Variants in AZGP1 observed in about 807,000 individuals in gnomAD.
The protein encoded by AZGP1 is alpha-2-glycoprotein 1, zinc-binding.
In AZGP1, 28 loss-of-function variants were observed where a neutral mutation model predicts 31.5. The ratio of observed to expected loss-of-function variants is 0.89; its 90% CI spans 0.66 to 1.22. The LOEUF is 1.22. Ranked by LOEUF, AZGP1 falls within the 50% of genes most tolerant of loss-of-function variation. The pLI is 0.00. For synonymous variants in AZGP1, 135 were observed against 145.4 expected (o/e 0.93, Z 0.51); for missense variants, 361 against 371.8 (o/e 0.97, Z 0.24).
chr7:99,968,024 A>G (rs1789516716), intron 3 of AZGP1, 131 bp downstream of exon 3: 2 of 1,238,768 alleles, frequency 1.6e-6, no homozygotes, highest in Admixed American at 4.5e-5. Context: ...ATAAATCCTA[A>G]AAGATGAAAG....
chr7:99,969,399 A>T (rs1470123294), intron 2 of AZGP1, among the ~76,000 whole-genome samples: 1 of 100,800 alleles, frequency 9.9e-6, no homozygotes, highest in Non-Finnish European at 2.0e-5. Context: ...ACAGAGCAAG[A>T]CTCAGTCTTA....
At position 99,971,975 on chromosome 7, in the gene AZGP1, C is replaced by T. The variant is rs747821548; in HGVS notation, c.108G>A (p.Gly36=). ...GRYSLTYIYT[G]LSKHVEDVPA... ...GGACGTCTTCAACATGCTTGGACAG[C>T]CCAGTGTAGATATAGGTCAGAGAGT... Residue 36 remains glycine, a synonymous_variant, in exon 2 of 4, where the codon GGG becomes GGA. Transcript: ENST00000292401. 7 of 1,613,714 alleles carry T rather than the reference C, an allele frequency of 4.3e-6. No homozygotes were observed. The Admixed American group carries it at 1.2e-4, about 27-fold the overall frequency.
At chr7:99,970,873 A>G (rs146314754) in intron 2 of AZGP1, among the ~76,000 whole-genome samples, 3,095 of 152,238 alleles carry the variant, frequency 0.02, 58 homozygotes, top group Middle Eastern at 0.044. Context: ...AGTTCACCAG[A>G]CCTGAGGTTG....
chr7:99,974,673 G>A (rs938312778), intron 1 of AZGP1, among the ~76,000 whole-genome samples: 1 of 152,054 alleles, frequency 6.6e-6, no homozygotes, highest in African/African-American at 2.4e-5. Context: ...TAACACAAAC[G>A]ATAAAAGCTT....
intron 1 of AZGP1, among the ~76,000 whole-genome samples, chr7:99,973,875 C>T (rs1789617168): frequency 6.7e-6 from 1 of 148,588 alleles, no homozygotes; most frequent in Non-Finnish European, 1.5e-5. Flanking sequence ...AAGATTGCAC[C>T]ACTGCATTCC....
intron 1 of AZGP1, among the ~76,000 whole-genome samples, chr7:99,975,386 T>G (rs986542636): frequency 5.3e-5 from 8 of 152,184 alleles, no homozygotes; most frequent in Non-Finnish European, 1.2e-4. Context: ...AACAGCCTCC[T>G]TCCCTTATCC....
intron 2 of AZGP1, among the ~76,000 whole-genome samples, chr7:99,969,187 T>A (rs137980992): frequency 2.6e-5 from 4 of 151,896 alleles, no homozygotes; most frequent in African/African-American, 4.8e-5. Context: ...GGCCAAAGGA[T>A]CACCTGAGGT....
intron 2 of AZGP1, among the ~76,000 whole-genome samples, chr7:99,969,384 G>A (rs1317500811): frequency 7.1e-6 from 1 of 140,434 alleles, no homozygotes; most frequent in African/African-American, 2.7e-5. Flanking sequence ...ACATCAGCCT[G>A]AAAGACAGAG....
At position 99,966,800 on chromosome 7, in the gene AZGP1, G is replaced by A; in HGVS notation, c.*203C>T. On this transcript the variant is annotated 3_prime_UTR_variant, in exon 4 of 4. Coordinates refer to ENST00000292401, the MANE Select transcript of AZGP1 (RefSeq NM_001185.4). ...ACAATGGGGTGGGGGTGGGCTCAAG[G>A]TGAGATGATTTTTTGGGTCCAAGTC... is the stretch of plus-strand genomic sequence containing the variant. The A allele has an allele frequency of 4.3e-6, 3 of 697,526 alleles. No individual in the cohort carries two copies. In the South Asian group the frequency reaches 5.7e-5, roughly 13 times the overall value. The allele number at this position is 697,526 out of a possible 1,614,324, so 43.2% of individuals were successfully genotyped here.
Position 99,968,232 on chromosome 7 carries a change from T to G in AZGP1, c.536A>C (p.Lys179Thr). The G allele has an allele frequency of 1.2e-6, 2 of 1,613,904 alleles. No homozygotes were observed. Among genetic ancestry groups the G allele is most frequent in the Non-Finnish European group, 1.7e-6 (2 of 1,179,986 alleles). Reference sequence around the variant, plus strand: ...AGGGCACTCCTCCTCCAGGTAAGCCTTGGCCCGCTGCACGTAGACTGGTTC... The same window carrying G: ...AGGGCACTCCTCCTCCAGGTAAGCCGTGGCCCGCTGCACGTAGACTGGTTC... Reference protein sequence around the residue: ...EAEPVYVQRAKAYLEEECPAT... With the variant: ...EAEPVYVQRATAYLEEECPAT... The change falls in exon 3 of 4, where the codon AAG becomes ACG. Residue 179 changes from lysine (K) to threonine (T), a missense_variant. Transcript: ENST00000292401.
rs770260118 is a variant in AZGP1 at position 99,968,422 on chromosome 7, C to T, written c.346G>A (p.Val116Ile). 20 of 1,613,586 alleles carry T rather than the reference C, an allele frequency of 1.2e-5. No homozygotes were observed. Among genetic ancestry groups the T allele is most frequent in the African/African-American group, 4.0e-5 (3 of 74,796 alleles). The change falls in exon 3 of 4, where the codon GTA (valine) becomes ATA (isoleucine). Residue 116 changes from valine (V) to isoleucine (I), a missense_variant. Physicochemically the swap from Val to Ile is conservative, Grantham distance 29. Coordinates refer to ENST00000292401, the MANE Select transcript of AZGP1 (RefSeq NM_001185.4). ...EYYNDSNGSH[V>I]LQGRFGCEIE... ...TCACAACCAAACCTTCCCTGCAATA[C>T]GTGAGACCCTGAAAACTCCCCCGAC...
intron 1 of AZGP1, among the ~76,000 whole-genome samples, chr7:99,975,166 A>G (rs534767371): frequency 7.9e-5 from 12 of 152,290 alleles, no homozygotes; most frequent in African/African-American, 2.9e-4. Context: ...ATATATATGT[A>G]TATGTGTACC....
intron 2 of AZGP1, chr7:99,971,461 G>A: frequency 2.7e-6 from 1 of 367,868 alleles, no homozygotes; most frequent in Non-Finnish European, 5.0e-6. Context: ...TCCGATGGGT[G>A]GGGTGTGGAG....
chr7:99,971,868 C>A lies in AZGP1; in HGVS notation c.215G>T (p.Gly72Val), dbSNP rs772275575. Residue 72 changes from glycine to valine, a missense_variant, in exon 2 of 4, where the codon GGA becomes GTA. Transcript: ENST00000292401. ...CATTCCTTCCACCTGTCTCCAGAGT[C>A]CCATGGGCTGAGACTTCCTGTCTTT... ...NSKDRKSQPM[G>V]LWRQVEGMED... The A allele has an allele frequency of 5.6e-6, 9 of 1,614,194 alleles. No homozygotes were observed. Among genetic ancestry groups the A allele is most frequent in the Non-Finnish European group, 7.6e-6 (9 of 1,180,028 alleles).
rs1243490055 is a variant in AZGP1 at position 99,966,857 on chromosome 7, C to T, written c.*146G>A. 7.7e-7 allele frequency: 1 copy of T among 1,292,412 alleles called. No individual in the cohort carries two copies. The allele number at this position is 1,292,412 out of a possible 1,614,324, so 80.1% of individuals were successfully genotyped here. A position where few individuals can be genotyped will look rare whatever the true frequency, so the allele number is the denominator to read the frequency against. ...AGACAGGCATCCCAGTCTTCGGTCTCCAAATCCACCTCCTGTCTGTCCCCC... is the reference window on the plus strand; with the variant it reads ...AGACAGGCATCCCAGTCTTCGGTCTTCAAATCCACCTCCTGTCTGTCCCCC... On this transcript the variant is annotated 3_prime_UTR_variant, in exon 4 of 4. Coordinates refer to ENST00000292401, the MANE Select transcript of AZGP1 (RefSeq NM_001185.4).
At chr7:99,967,737 A>AT in intron 3 of AZGP1, 1 of 442,568 alleles carries the variant, frequency 2.3e-6, no homozygotes, top group Non-Finnish European at 4.0e-6. Flanking sequence ...TGGGGCTGAC[A>AT]TTTTACACGC....
chr7:99,971,488 G>A (rs1235000262), intron 2 of AZGP1: 2 of 467,024 alleles, frequency 4.3e-6, no homozygotes, highest in East Asian at 7.7e-5. Context: ...GGTCATAGGT[G>A]CCTGGATAGG....
intron 2 of AZGP1, among the ~76,000 whole-genome samples, chr7:99,969,128 G>T (rs918561081): frequency 2.0e-4 from 30 of 151,426 alleles, no homozygotes; most frequent in African/African-American, 7.0e-4. Context: ...ATAAAATTAG[G>T]CTGGACGCAG....
intron 1 of AZGP1, among the ~76,000 whole-genome samples, chr7:99,975,171 T>C (rs968656787): frequency 1.3e-5 from 2 of 152,218 alleles, no homozygotes; most frequent in Non-Finnish European, 2.9e-5. Flanking sequence ...TATGTATATG[T>C]GTACCACCTA....
Sources: gnomAD v4.1 joint callset for allele counts (sites outside exome capture counted in the v4.1 genomes callset) on GRCh38, gnomAD v4.1.1 for gene constraint, MANE v1.5 for transcripts, NCBI Gene and HGNC (gene_info 2026-07-23, HGNC 2026-07-21) for gene names.